Variants in HCN1 observed in about 807,000 individuals in gnomAD.
The protein encoded by HCN1 is hyperpolarization activated cyclic nucleotide gated potassium channel 1.
A neutral mutation model predicts 78.9 loss-of-function variants in HCN1; 13 were observed. The ratio of observed to expected loss-of-function variants is 0.16; its 90% CI spans 0.11 to 0.26. HCN1 has a LOEUF of 0.26. Among genes scored for constraint, HCN1 ranks in the 10% least tolerant of loss-of-function variants. HCN1 has a pLI of 1.00. For synonymous variants in HCN1, 552 were observed against 455.5 expected (o/e 1.21, Z -2.70); for missense variants, 810 against 1,154.3 (o/e 0.70, Z 4.32).
chr5:45,320,749 C>T (rs988581400), intron 5 of HCN1, among the ~76,000 whole-genome samples: 2 of 151,852 alleles, frequency 1.3e-5, no homozygotes, highest in African/African-American at 4.8e-5. Flanking sequence ...CAAAGACAGA[C>T]ATGGACATTT....
rs1396398490 is a variant in HCN1, at chr5:45,396,621, G to T, written c.1101C>A (p.Val367=). The change falls in exon 4 of 8, where the codon GTC becomes GTA. Residue 367 remains valine, a synonymous_variant. Coordinates refer to ENST00000303230, the MANE Select transcript of HCN1 (RefSeq NM_021072.4). The part of the protein sequence containing the change: ...LCIGYGAQAP[V]SMSDLWITML... ...TGGTAATCCAGAGGTCAGACATGCT[G>T]ACTGGGGCTTGGGCTCCATACCCAA... The T allele has an allele frequency of 6.2e-7, 1 of 1,613,910 alleles. No homozygotes were observed. The highest frequency in any genetic ancestry group is 1.1e-5 in the South Asian group (1 of 91,084).
chr5:45,620,571 T>C (rs1180902970), intron 2 of HCN1, among the ~76,000 whole-genome samples: 1 of 151,722 alleles, frequency 6.6e-6, no homozygotes, highest in East Asian at 1.9e-4. Flanking sequence ...TACATATATA[T>C]ATATAATGAT....
chr5:45,270,428 A>C (rs1744939877), intron 6 of HCN1, among the ~76,000 whole-genome samples: 1 of 152,214 alleles, frequency 6.6e-6, no homozygotes, highest in Non-Finnish European at 1.5e-5. Flanking sequence ...GAAGTAGTAT[A>C]TGATGCCAGC....
At chr5:45,569,021 C>T (rs984686169) in intron 2 of HCN1, among the ~76,000 whole-genome samples, 1 of 152,040 alleles carries the variant, frequency 6.6e-6, no homozygotes, top group African/African-American at 2.4e-5. Flanking sequence ...CTTCCCACTC[C>T]CCTGGAGATC....
intron 6 of HCN1, among the ~76,000 whole-genome samples, chr5:45,295,407 G>T (rs187921526): frequency 5.3e-5 from 8 of 152,000 alleles, no homozygotes; most frequent in Admixed American, 5.3e-4. Flanking sequence ...TTATGAATGT[G>T]TCTCACACTT....
intron 2 of HCN1, among the ~76,000 whole-genome samples, chr5:45,580,956 G>A (rs1419081522): frequency 6.6e-6 from 1 of 152,172 alleles, no homozygotes; most frequent in Non-Finnish European, 1.5e-5. Context: ...ATTTGAGTTG[G>A]TTCCAAGTCT....
intron 4 of HCN1, among the ~76,000 whole-genome samples, chr5:45,374,893 G>A (rs1465042267): frequency 6.9e-6 from 1 of 144,408 alleles, no homozygotes; most frequent in African/African-American, 2.5e-5. Flanking sequence ...TATATAGAGA[G>A]AGACAGAGAG....
intron 4 of HCN1, among the ~76,000 whole-genome samples, chr5:45,374,860 CTT>C (rs1244167637): frequency 7.0e-6 from 1 of 143,764 alleles, no homozygotes; most frequent in Non-Finnish European, 1.5e-5. Flanking sequence ...TTTTGTAAAA[CTT>C]ATTTTTGGTT....
In HCN1 at chr5:45,601,763, A is replaced by G. The variant is rs188002228; in HGVS notation, c.849+43422T>C. Among the ~76,000 whole-genome samples the G allele has an allele frequency of 3.2e-4, 49 of 152,266 alleles. 1 individual carries two copies. The East Asian group carries it at 7.2e-3, about 22-fold the overall frequency. On this transcript the variant is annotated intron_variant, in intron 2 of 7. Coordinates refer to ENST00000303230, the MANE Select transcript of HCN1 (RefSeq NM_021072.4). ...ATTTATACGTTCTGACAATGCATCT[A>G]TATTTTCCAAATATTAAGTGAGAAA...
chr5:45,639,979 G>A (rs570377494), intron 2 of HCN1, among the ~76,000 whole-genome samples: 4 of 152,064 alleles, frequency 2.6e-5, no homozygotes, highest in African/African-American at 7.2e-5. Context: ...CTTGTATCTC[G>A]TGTCTTCTGG....
chr5:45,285,684 G>A (rs938802631), intron 6 of HCN1, among the ~76,000 whole-genome samples: 4 of 151,932 alleles, frequency 2.6e-5, no homozygotes, highest in South Asian at 2.1e-4. Flanking sequence ...TCCTCTTCAC[G>A]ATTTCAGTGA....
intron 2 of HCN1, among the ~76,000 whole-genome samples, chr5:45,504,572 G>T (rs1477673843): frequency 6.6e-6 from 1 of 152,120 alleles, no homozygotes; most frequent in African/African-American, 2.4e-5. Flanking sequence ...GTGTGCATGT[G>T]TCTTTATAGC....
intron 3 of HCN1, among the ~76,000 whole-genome samples, chr5:45,408,387 A>G (rs928496841): frequency 2.0e-5 from 3 of 152,024 alleles, no homozygotes; most frequent in African/African-American, 4.8e-5. Context: ...TATTTTTATT[A>G]TACCTTTTCT....
chr5:45,557,525 T>C (rs1414213885), intron 2 of HCN1, among the ~76,000 whole-genome samples: 1 of 152,150 alleles, frequency 6.6e-6, no homozygotes, highest in Non-Finnish European at 1.5e-5. Context: ...TGCATGGCTT[T>C]ATTGCACTTG....
At chr5:45,266,906 A>G (rs571750760) in intron 7 of HCN1, among the ~76,000 whole-genome samples, 183 bp downstream of exon 7, 102 of 152,076 alleles carry the variant, frequency 6.7e-4, no homozygotes, top group Admixed American at 1.8e-3. Context: ...ACAGGGTTTC[A>G]CCATGTTGGC....
At chr5:45,485,810 A>T (rs1438920320) in intron 2 of HCN1, among the ~76,000 whole-genome samples, 1 of 152,130 alleles carries the variant, frequency 6.6e-6, no homozygotes, top group Non-Finnish European at 1.5e-5. Context: ...CAGGGGGTGA[A>T]GGTCACTAAA....
At position 45,682,290 on chromosome 5, in the gene HCN1, C is replaced by CATATATATACATATATATATATATAT. The variant is rs1340648040; in HGVS notation, c.425+13378_425+13379insATATATATATATATATGTATATATAT. On this transcript the variant is annotated intron_variant, in intron 1 of 7. Coordinates refer to ENST00000303230, the MANE Select transcript of HCN1 (RefSeq NM_021072.4). Reference sequence around the variant, plus strand: ...ATATATACATATATATATATATATACACATATATATATCCCAATTTTAAAA... The same window carrying CATATATATACATATATATATATATAT: ...ATATATACATATATATATATATATACATATATATACATATATATATATATATACATATATATATCCCAATTTTAAAA... 3.2e-4 allele frequency among the ~76,000 whole-genome samples: 17 copies of CATATATATACATATATATATATATAT among 52,764 alleles called. 1 individual carries two copies. Among genetic ancestry groups the CATATATATACATATATATATATATAT allele is most frequent in the South Asian group, 1.3e-3 (2 of 1,514 alleles). 34.6% of individuals were successfully genotyped at this position (52,764 alleles called of 152,430 possible).
chr5:45,257,994 C>A lies in HCN1; in HGVS notation c.*3927G>T, dbSNP rs1345120395. ...TAGGTGAACATAAAATAAAAGTTTGCTAGTTGTAGTGCATATGAACAAAAT... is the reference window on the plus strand; with the variant it reads ...TAGGTGAACATAAAATAAAAGTTTGATAGTTGTAGTGCATATGAACAAAAT... On this transcript the variant is annotated 3_prime_UTR_variant, in exon 8 of 8. Transcript: ENST00000303230. 6.7e-6 allele frequency: 1 copy of A among 149,324 alleles called. No individual in the cohort carries two copies. The highest frequency in any genetic ancestry group is 2.6e-5 in the African/African-American group (1 of 39,140). 9.2% of individuals were successfully genotyped at this position (149,324 alleles called of 1,614,324 possible).
chr5:45,336,011 A>G (rs1012020026), intron 5 of HCN1, among the ~76,000 whole-genome samples: 23 of 152,174 alleles, frequency 1.5e-4, no homozygotes, highest in African/African-American at 5.3e-4. Context: ...ATACTTATTA[A>G]TGGTGGTACA....
Sources: gnomAD v4.1 joint callset for allele counts (sites outside exome capture counted in the v4.1 genomes callset) on GRCh38, gnomAD v4.1.1 for gene constraint, MANE v1.5 for transcripts, NCBI Gene and HGNC (gene_info 2026-07-23, HGNC 2026-07-21) for gene names.